The following RNF182 variants were observed in gnomAD, a reference collection of about 807,000 sequenced individuals.
RNF182 encodes the protein E3 ubiquitin-protein ligase RNF182.
A neutral mutation model predicts 14.4 loss-of-function variants in RNF182; 15 were observed. That is an observed-to-expected ratio of 1.04 (90% CI 0.70 to 1.60). The LOEUF is 1.60. RNF182 is among the 40% of genes most tolerant of loss of function. The probability of loss-of-function intolerance (pLI) is 0.00; values close to 1 mark genes in which losing one functional copy is unlikely to be tolerated. For synonymous variants in RNF182, 128 were observed against 122.9 expected (o/e 1.04, Z -0.27); for missense variants, 268 against 294.8 (o/e 0.91, Z 0.67).
intron 1 of RNF182, among the ~76,000 whole-genome samples, chr6:13,926,641 A>G (rs565649529): frequency 6.6e-6 from 1 of 152,250 alleles, no homozygotes; most frequent in Non-Finnish European, 1.5e-5. Flanking sequence ...ATCTGTTTTG[A>G]GAAGATAAAC....
chr6:13,957,648 C>T lies in RNF182; in HGVS notation c.-366-16562C>T, dbSNP rs554468684. ...TTAGAATTATGGAAAGTGAGCAAAA[C>T]GTTTTGGTTTGTGACTTTGTTTTTA... On this transcript the variant is annotated intron_variant, in intron 1 of 2. Transcript: ENST00000488300. 2.0e-3 allele frequency among the ~76,000 whole-genome samples: 306 copies of T among 152,108 alleles called. 2 individuals are homozygous for T. Among genetic ancestry groups the T allele is most frequent in the African/African-American group, 7.0e-3 (290 of 41,494 alleles).
At chr6:13,969,753 A>T (rs1167112492) in intron 1 of RNF182, among the ~76,000 whole-genome samples, 2 of 152,138 alleles carry the variant, frequency 1.3e-5, no homozygotes, top group Non-Finnish European at 2.9e-5. Context: ...TATGAGAATA[A>T]TAGTAGGTAA....
intron 1 of RNF182, among the ~76,000 whole-genome samples, chr6:13,953,485 G>A (rs1759646325): frequency 1.3e-5 from 2 of 152,138 alleles, no homozygotes; most frequent in African/African-American, 2.4e-5. Context: ...TGTCAGGGTA[G>A]TTATCACAGA....
At chr6:13,958,302 C>T (rs570880179) in intron 1 of RNF182, among the ~76,000 whole-genome samples, 12 of 152,104 alleles carry the variant, frequency 7.9e-5, no homozygotes, top group African/African-American at 2.7e-4. Context: ...AGGAGAATCG[C>T]CTGAACCCGG....
intron 1 of RNF182, among the ~76,000 whole-genome samples, chr6:13,960,279 CT>C (rs765140397): frequency 5.6e-4 from 86 of 152,266 alleles, no homozygotes; most frequent in Admixed American, 1.5e-3. Flanking sequence ...TAAGTAAATG[CT>C]TGCTGAATTA....
chr6:13,977,595 ACT>A lies in RNF182; in HGVS notation c.479_480del (p.Ser160CysfsTer47). 6.2e-7 allele frequency: 1 copy of A among 1,613,858 alleles called. No homozygotes were observed. The highest frequency in any genetic ancestry group is 8.5e-7 in the Non-Finnish European group (1 of 1,179,960). On this transcript the variant is annotated frameshift_variant, in exon 3 of 3. Coordinates refer to ENST00000488300, the MANE Select transcript of RNF182 (RefSeq NM_152737.4). LOFTEE classifies it high-confidence loss of function. ...GAATTTTATAGGCCTGCGAGTTTCG[ACT>A]CTGTCACCACTGTGTCACACAACTG... is the stretch of plus-strand genomic sequence containing the variant.
chr6:13,931,661 T>A (rs901941502), intron 1 of RNF182, among the ~76,000 whole-genome samples: 1 of 151,786 alleles, frequency 6.6e-6, no homozygotes, highest in Non-Finnish European at 1.5e-5. Context: ...CTTTTTTTTT[T>A]AATGTTCAAG....
intron 1 of RNF182, among the ~76,000 whole-genome samples, chr6:13,954,905 T>C (rs956000206): frequency 2.6e-5 from 4 of 152,214 alleles, no homozygotes; most frequent in Admixed American, 6.5e-5. Context: ...GGAGGGGCTC[T>C]ACGCTTCCTG....
intron 1 of RNF182, among the ~76,000 whole-genome samples, chr6:13,928,860 G>A (rs1209633568): frequency 6.6e-6 from 1 of 152,124 alleles, no homozygotes; most frequent in Non-Finnish European, 1.5e-5. Context: ...GTGCAGGGGT[G>A]GGGGTGCGGT....
intron 1 of RNF182, among the ~76,000 whole-genome samples, chr6:13,966,207 C>T (rs1317152163): frequency 1.3e-5 from 2 of 152,124 alleles, no homozygotes; most frequent in Non-Finnish European, 2.9e-5. Context: ...TTAGAAATAT[C>T]ATCACCTATT....
chr6:13,955,265 A>G (rs1759698416), intron 1 of RNF182, among the ~76,000 whole-genome samples: 1 of 151,988 alleles, frequency 6.6e-6, no homozygotes, highest in Non-Finnish European at 1.5e-5. Context: ...TTATCTGCCA[A>G]CTCTTGATCT....
At chr6:13,933,399 C>G (rs1340200684) in intron 1 of RNF182, among the ~76,000 whole-genome samples, 1 of 150,182 alleles carries the variant, frequency 6.7e-6, no homozygotes, top group Non-Finnish European at 1.5e-5. Flanking sequence ...ACGTGTAGTC[C>G]CAGCTGCTCC....
chr6:13,948,192 G>T (rs113671212), intron 1 of RNF182, among the ~76,000 whole-genome samples: 15 of 152,012 alleles, frequency 9.9e-5, no homozygotes, highest in Non-Finnish European at 1.5e-4. Context: ...GTTTTTCTTC[G>T]TTTTAATGGC....
intron 1 of RNF182, among the ~76,000 whole-genome samples, chr6:13,957,625 A>G (rs1482059098): frequency 6.6e-6 from 1 of 152,314 alleles, no homozygotes; most frequent in East Asian, 1.9e-4. Flanking sequence ...TGTATTCTTT[A>G]GAATTATGGA....
chr6:13,969,528 T>C (rs1368999141), intron 1 of RNF182, among the ~76,000 whole-genome samples: 1 of 152,080 alleles, frequency 6.6e-6, no homozygotes, highest in East Asian at 1.9e-4. Context: ...AAGGGAGCAA[T>C]GTGATCTAAA....
chr6:13,965,102 T>C (rs900071720), intron 1 of RNF182, among the ~76,000 whole-genome samples: 6 of 152,178 alleles, frequency 3.9e-5, no homozygotes, highest in Non-Finnish European at 5.9e-5. Context: ...CAGAGACAGA[T>C]GACAACCTGA....
At chr6:13,957,513 C>A (rs1759760368) in intron 1 of RNF182, among the ~76,000 whole-genome samples, 1 of 152,172 alleles carries the variant, frequency 6.6e-6, no homozygotes, top group Non-Finnish European at 1.5e-5. Flanking sequence ...GGATTGGTGA[C>A]ATTTTTGCTG....
intron 1 of RNF182, among the ~76,000 whole-genome samples, chr6:13,966,797 C>T (rs1170032290): frequency 1.1e-5 from 1 of 93,916 alleles, no homozygotes; most frequent in African/African-American, 4.8e-5. Context: ...AAAAGTAAAA[C>T]CCAGTAGTAT....
At chr6:13,968,608 C>T (rs184864356) in intron 1 of RNF182, among the ~76,000 whole-genome samples, 13 of 152,064 alleles carry the variant, frequency 8.5e-5, no homozygotes, top group Admixed American at 6.6e-4. Context: ...GTCTAGAGAC[C>T]AATTTAATTT....
Sources: gnomAD v4.1 joint callset for allele counts (sites outside exome capture counted in the v4.1 genomes callset) on GRCh38, gnomAD v4.1.1 for gene constraint, MANE v1.5 for transcripts, NCBI Gene and HGNC (gene_info 2026-07-23, HGNC 2026-07-21) for gene names.